The following STIM2 variants were observed in gnomAD, a reference collection of about 807,000 sequenced individuals.
STIM2 encodes the protein stromal interaction molecule 2.
A neutral mutation model predicts 85.8 loss-of-function variants in STIM2; 31 were observed. The ratio of observed to expected loss-of-function variants is 0.36; its 90% CI spans 0.27 to 0.49. The LOEUF (loss-of-function observed/expected upper bound fraction) is 0.49. Ranked by LOEUF, STIM2 falls within the 20% of genes least tolerant of loss-of-function variation. The probability of loss-of-function intolerance (pLI) is 0.98; values close to 1 mark genes in which losing one functional copy is unlikely to be tolerated. For missense variants in STIM2, 841 were observed against 927.6 expected (o/e 0.91, Z 1.21); for synonymous variants, 356 against 331.1 (o/e 1.08, Z -0.82).
intron 11 of STIM2, among the ~76,000 whole-genome samples, 166 bp downstream of exon 11, chr4:27,018,150 G>A (rs1328326560): frequency 6.6e-6 from 1 of 152,098 alleles, no homozygotes; most frequent in Non-Finnish European, 1.5e-5. Flanking sequence ...TCTTAGTTCT[G>A]TACATCAGAA....
At chr4:26,952,393 A>C (rs1161430145) in intron 2 of STIM2, among the ~76,000 whole-genome samples, 1 of 152,174 alleles carries the variant, frequency 6.6e-6, no homozygotes, top group African/African-American at 2.4e-5. Context: ...AAGAAATCAT[A>C]CAGAATATGT....
chr4:27,023,138 TC>T lies in STIM2; in HGVS notation c.*144del, dbSNP rs1399135264. The stretch of plus-strand genomic sequence containing the variant: ...CCAGGCCGGATGCCATAGTGGAACA[TC>T]CAGAAGGGCAACTGTCTACTGTCTG... On this transcript the variant is annotated 3_prime_UTR_variant, in exon 12 of 12. Transcript: ENST00000467087. 4 of 756,084 alleles carry T rather than the reference TC, an allele frequency of 5.3e-6. No homozygotes were observed. The highest frequency in any genetic ancestry group is 8.7e-6 in the Non-Finnish European group (4 of 457,366). The allele number at this position is 756,084 out of a possible 1,614,324, so 46.8% of individuals were successfully genotyped here.
intron 3 of STIM2, among the ~76,000 whole-genome samples, chr4:26,988,963 C>T (rs531745475): frequency 6.6e-6 from 1 of 152,276 alleles, no homozygotes; most frequent in East Asian, 1.9e-4. Context: ...GGGACGGAGT[C>T]TCACTCTGTC....
intron 11 of STIM2, among the ~76,000 whole-genome samples, chr4:27,020,372 A>G (rs1160129321): frequency 6.6e-6 from 1 of 152,250 alleles, no homozygotes; most frequent in Non-Finnish European, 1.5e-5. Context: ...AAATGCCTCT[A>G]TCAATGATTG....
intron 1 of STIM2, among the ~76,000 whole-genome samples, chr4:26,890,023 T>A (rs1331992770): frequency 6.6e-6 from 1 of 152,170 alleles, no homozygotes; most frequent in Non-Finnish European, 1.5e-5. Context: ...CGGTGGCACC[T>A]CTGGCCATTT....
intron 2 of STIM2, among the ~76,000 whole-genome samples, chr4:26,919,986 G>T (rs968607470): frequency 1.3e-5 from 2 of 152,120 alleles, no homozygotes; most frequent in African/African-American, 4.8e-5. Context: ...TCCTGATTCT[G>T]TGGGATCACT....
At chr4:26,887,773 G>A (rs1200949077) in intron 1 of STIM2, among the ~76,000 whole-genome samples, 1 of 151,968 alleles carries the variant, frequency 6.6e-6, no homozygotes. Flanking sequence ...TTATTTAGTT[G>A]CACTTAAAAT....
chr4:26,923,535 A>C (rs1359507069), intron 2 of STIM2, among the ~76,000 whole-genome samples: 1 of 141,990 alleles, frequency 7.0e-6, no homozygotes. Context: ...AGCGCTAAAC[A>C]TGGAAAGGAA....
chr4:26,946,817 G>A (rs150957104), intron 2 of STIM2, among the ~76,000 whole-genome samples: 266 of 152,026 alleles, frequency 1.7e-3, no homozygotes, highest in African/African-American at 5.8e-3. Context: ...TATAATTCGC[G>A]GTCTCTTGTG....
At chr4:26,948,375 G>A (rs1475513026) in intron 2 of STIM2, among the ~76,000 whole-genome samples, 1 of 152,194 alleles carries the variant, frequency 6.6e-6, no homozygotes, top group East Asian at 1.9e-4. Flanking sequence ...AGTCTTATTG[G>A]CTAGGCTTCC....
At chr4:26,972,156 T>A (rs1214954265) in intron 3 of STIM2, among the ~76,000 whole-genome samples, 1 of 152,194 alleles carries the variant, frequency 6.6e-6, no homozygotes, top group Admixed American at 6.5e-5. Flanking sequence ...ATCATGGGAT[T>A]TTCTAAATAT....
In STIM2 at chr4:26,921,355, G is replaced by T. The variant is rs115043741; in HGVS notation, c.282+1721G>T. On this transcript the variant is annotated intron_variant, in intron 2 of 11. Coordinates refer to ENST00000467087, the MANE Select transcript of STIM2 (RefSeq NM_020860.4). ...AGAGAATAAATTTCTATCGTGGTAA[G>T]CCATCCAATTTATGGTACTTTATTA... is the stretch of plus-strand genomic sequence containing the variant. Among the ~76,000 whole-genome samples, 819 of 152,268 alleles carry T rather than the reference G, an allele frequency of 5.4e-3. 6 individuals are homozygous for T. The highest frequency in any genetic ancestry group is 0.019 in the African/African-American group (779 of 41,568).
rs529396311 is a variant in STIM2 at position 26,860,924 on chromosome 4, C to CT, written c.-277dup. 4.7e-3 allele frequency: 4,780 copies of CT among 1,008,322 alleles called. 1 individual carries two copies. Among genetic ancestry groups the CT allele is most frequent in the African/African-American group, 8.7e-3 (467 of 53,524 alleles). The allele number at this position is 1,008,322 out of a possible 1,614,324, so 62.5% of individuals were successfully genotyped here. A position where few individuals can be genotyped will look rare whatever the true frequency, so the allele number is the denominator to read the frequency against. On this transcript the variant is annotated 5_prime_UTR_variant, in exon 1 of 12. Transcript: ENST00000467087. ...GACGCCGTACCTTTCTACCCCCCAC[C>CT]TTTTTTTTTTTTTTTTTTAAATAAC...
At chr4:26,878,350 G>A (rs1258220182) in intron 1 of STIM2, among the ~76,000 whole-genome samples, 1 of 152,056 alleles carries the variant, frequency 6.6e-6, no homozygotes, top group Non-Finnish European at 1.5e-5. Context: ...TAGTACTTGG[G>A]ACAGAGAGTT....
At chr4:26,931,283 A>G (rs1278783723) in intron 2 of STIM2, among the ~76,000 whole-genome samples, 1 of 152,116 alleles carries the variant, frequency 6.6e-6, no homozygotes, top group Non-Finnish European at 1.5e-5. Flanking sequence ...TATTCTACTC[A>G]TGGGAAGTGA....
At chr4:26,984,934 C>T (rs1197473524) in intron 3 of STIM2, among the ~76,000 whole-genome samples, 2 of 152,198 alleles carry the variant, frequency 1.3e-5, no homozygotes, top group African/African-American at 2.4e-5. Flanking sequence ...AGAAGGAGCT[C>T]ATGAGCAAAA....
At chr4:26,992,789 G>A (rs1577484341) in intron 3 of STIM2, among the ~76,000 whole-genome samples, 1 of 152,024 alleles carries the variant, frequency 6.6e-6, no homozygotes, top group African/African-American at 2.4e-5. Context: ...GAGAAGAGAA[G>A]TGAAGGTGTT....
chr4:27,025,154 C>T lies in STIM2; in HGVS notation c.*2158C>T, dbSNP rs952540897. 2 of 152,140 alleles carry T rather than the reference C, an allele frequency of 1.3e-5. No homozygotes were observed. Among genetic ancestry groups the T allele is most frequent in the Non-Finnish European group, 2.9e-5 (2 of 68,014 alleles). The allele number at this position is 152,140 out of a possible 1,614,324, so 9.4% of individuals were successfully genotyped here. ...AACAAATTCAACCAAGGGATATTTA[C>T]TGCTTTATGTTGCTTATGATAATTA... On this transcript the variant is annotated 3_prime_UTR_variant, in exon 12 of 12. Transcript: ENST00000467087.
At chr4:26,931,828 G>T (rs993197166) in intron 2 of STIM2, among the ~76,000 whole-genome samples, 1 of 152,114 alleles carries the variant, frequency 6.6e-6, no homozygotes, top group African/African-American at 2.4e-5. Flanking sequence ...TAAAAATAGA[G>T]ACTTTAATTC....
Sources: allele counts gnomAD v4.1 joint callset (sites outside exome capture counted in the v4.1 genomes callset), GRCh38; gene constraint gnomAD v4.1.1; transcripts MANE v1.5; gene names NCBI Gene and HGNC (gene_info 2026-07-23, HGNC 2026-07-21).